CBLN2: variants seen among roughly 807,000 people sequenced by gnomAD.
CBLN2 encodes the protein cerebellin-2.
CBLN2 carries 7 observed loss-of-function variants against 15.0 expected under a neutral mutation model. The observed-to-expected ratio is 0.47, with a 90% CI of 0.27 to 0.88. The LOEUF (loss-of-function observed/expected upper bound fraction) is 0.88, where lower values mean the gene tolerates loss of function less well. Ranked by LOEUF, CBLN2 falls within the 40% of genes least tolerant of loss-of-function variation. The pLI is 0.14. For synonymous variants in CBLN2, 149 were observed against 135.2 expected (o/e 1.10, Z -0.71); for missense variants, 242 against 304.5 (o/e 0.79, Z 1.53).
At chr18:72,626,883 A>G (rs1690332775) in intron 1 of CBLN2, among the ~76,000 whole-genome samples, 1 of 152,082 alleles carries the variant, frequency 6.6e-6, no homozygotes, top group African/African-American at 2.4e-5. Flanking sequence ...AGTGATCCAA[A>G]CTGAACCCAA....
chr18:72,621,500 AAC>A (rs2069700476), intron 1 of CBLN2, among the ~76,000 whole-genome samples: 1 of 152,174 alleles, frequency 6.6e-6, no homozygotes, highest in South Asian at 2.1e-4. Flanking sequence ...TTCTGTCTAA[AAC>A]CTTTTTGGAT....
chr18:72,580,704 T>A (rs748164858), intron 1 of CBLN2, among the ~76,000 whole-genome samples: 1 of 152,258 alleles, frequency 6.6e-6, no homozygotes, highest in Non-Finnish European at 1.5e-5. Flanking sequence ...TTTTATTGTG[T>A]AAATATACCA....
intron 1 of CBLN2, among the ~76,000 whole-genome samples, chr18:72,585,712 C>A (rs916009699): frequency 1.3e-5 from 2 of 152,220 alleles, no homozygotes; most frequent in African/African-American, 4.8e-5. Flanking sequence ...CTGTCTGCCT[C>A]CTGCTGCCAT....
At chr18:72,603,290 T>C (rs1183191603) in intron 1 of CBLN2, among the ~76,000 whole-genome samples, 3 of 152,250 alleles carry the variant, frequency 2.0e-5, no homozygotes, top group Admixed American at 1.3e-4. Flanking sequence ...TATGGGACTA[T>C]TAGCACTTGA....
Position 72,637,174 on chromosome 18 carries a change from T to C in CBLN2, c.15+1151A>G, listed in dbSNP as rs554940110. Among the ~76,000 whole-genome samples, 8 of 152,184 alleles carry C rather than the reference T, an allele frequency of 5.3e-5. No homozygotes were observed. The South Asian group carries it at 8.3e-4, about 16-fold the overall frequency. ...TTAGCAACTCTGAGAAACAATTGTA[T>C]TGTATTTTCCGCATATGTTTCTATT... is the stretch of plus-strand genomic sequence containing the variant. On this transcript the variant is annotated intron_variant, in intron 1 of 2. Transcript: ENST00000581073.
intron 1 of CBLN2, among the ~76,000 whole-genome samples, chr18:72,565,448 G>A (rs1248298637): frequency 6.6e-6 from 1 of 152,062 alleles, no homozygotes; most frequent in African/African-American, 2.4e-5. Flanking sequence ...AATAGCTGTA[G>A]CTAAAAAACT....
intron 1 of CBLN2, among the ~76,000 whole-genome samples, chr18:72,591,703 A>G (rs1301548924): frequency 2.0e-5 from 3 of 152,020 alleles, no homozygotes; most frequent in Non-Finnish European, 4.4e-5. Flanking sequence ...CATGAGTTCA[A>G]TTGTTTTCAT....
intron 1 of CBLN2, among the ~76,000 whole-genome samples, chr18:72,583,835 T>G (rs1388500021): frequency 1.3e-5 from 2 of 152,236 alleles, no homozygotes; most frequent in Non-Finnish European, 2.9e-5. Context: ...TTTTCATCTT[T>G]GAGACTCAGG....
At chr18:72,630,821 A>T (rs1230684269) in intron 1 of CBLN2, among the ~76,000 whole-genome samples, 1 of 151,944 alleles carries the variant, frequency 6.6e-6, no homozygotes, top group Non-Finnish European at 1.5e-5. Context: ...TGCATTACAA[A>T]TTTTTCCCCT....
chr18:72,537,446 T>C lies in CBLN2; in HGVS notation c.*730A>G, dbSNP rs1405010710. The C allele has an allele frequency of 2.0e-5, 3 of 152,494 alleles. No individual in the cohort carries two copies. The highest frequency in any genetic ancestry group is 4.8e-5 in the African/African-American group (2 of 41,456). The allele number at this position is 152,494 out of a possible 1,614,324, so 9.4% of individuals were successfully genotyped here. ...TTTGGTCTTATCCAGGAATTCTATA[T>C]TTTCTCTCCTCAACCCCAGCAAGAA... On this transcript the variant is annotated 3_prime_UTR_variant, in exon 5 of 5. Coordinates refer to ENST00000269503, the MANE Select transcript of CBLN2 (RefSeq NM_182511.4).
chr18:72,565,839 T>C (rs904402826), intron 1 of CBLN2, among the ~76,000 whole-genome samples: 1 of 152,156 alleles, frequency 6.6e-6, no homozygotes, highest in African/African-American at 2.4e-5. Flanking sequence ...CAAAAGCTCC[T>C]GCACAGCAGA....
intron 1 of CBLN2, among the ~76,000 whole-genome samples, chr18:72,638,095 A>G (rs2069825922): frequency 6.6e-6 from 1 of 152,222 alleles, no homozygotes; most frequent in African/African-American, 2.4e-5. Flanking sequence ...TCGTACATGT[A>G]AGAAAATGAA....
chr18:72,584,676 A>G (rs1265007777), intron 1 of CBLN2, among the ~76,000 whole-genome samples: 1 of 152,190 alleles, frequency 6.6e-6, no homozygotes, highest in Non-Finnish European at 1.5e-5. Flanking sequence ...TGTTTATTTT[A>G]TTTGTTACAT....
intron 1 of CBLN2, among the ~76,000 whole-genome samples, chr18:72,582,679 C>T (rs879330270): frequency 3.3e-5 from 5 of 152,078 alleles, no homozygotes; most frequent in Non-Finnish European, 7.4e-5. Flanking sequence ...CATGAGATAT[C>T]CAGGACTGTT....
intron 1 of CBLN2, among the ~76,000 whole-genome samples, chr18:72,553,195 T>C (rs1432238581): frequency 6.6e-6 from 1 of 152,110 alleles, no homozygotes; most frequent in Non-Finnish European, 1.5e-5. Flanking sequence ...GCTTCACTAC[T>C]CTGATTTACG....
chr18:72,590,301 G>A (rs907704590), intron 1 of CBLN2, among the ~76,000 whole-genome samples: 5 of 151,798 alleles, frequency 3.3e-5, no homozygotes, highest in African/African-American at 1.2e-4. Context: ...AAAAAAATTA[G>A]CCAGGCATGG....
intron 1 of CBLN2, among the ~76,000 whole-genome samples, chr18:72,613,138 C>T (rs921070109): frequency 1.3e-5 from 2 of 152,176 alleles, no homozygotes; most frequent in Non-Finnish European, 2.9e-5. Flanking sequence ...TGAATGAGGG[C>T]CCATCTTACT....
intron 1 of CBLN2, among the ~76,000 whole-genome samples, chr18:72,561,988 T>C (rs1187870067): frequency 6.6e-6 from 1 of 152,172 alleles, no homozygotes; most frequent in Non-Finnish European, 1.5e-5. Flanking sequence ...CATTGCTAGG[T>C]TACACAATTC....
chr18:72,626,367 T>C (rs2069739423), intron 1 of CBLN2, among the ~76,000 whole-genome samples: 1 of 152,118 alleles, frequency 6.6e-6, no homozygotes, highest in African/African-American at 2.4e-5. Flanking sequence ...TGGAGTTCTT[T>C]TGGTGACATC....
Sources: gnomAD v4.1 joint callset for allele counts (sites outside exome capture counted in the v4.1 genomes callset) on GRCh38, gnomAD v4.1.1 for gene constraint, MANE v1.5 for transcripts, NCBI Gene and HGNC (gene_info 2026-07-23, HGNC 2026-07-21) for gene names.